RAPGEF6: variants seen among roughly 807,000 people sequenced by gnomAD.
RAPGEF6 encodes the protein Rap guanine nucleotide exchange factor 6.
RAPGEF6 carries 56 observed loss-of-function variants against 171.4 expected under a neutral mutation model. The ratio of observed to expected loss-of-function variants is 0.33; its 90% confidence interval spans 0.26 to 0.41. RAPGEF6 has a LOEUF of 0.41. Among genes scored for constraint, RAPGEF6 ranks in the 10% least tolerant of loss-of-function variants. RAPGEF6 has a pLI of 1.00. For missense variants in RAPGEF6, 1,674 were observed against 1,921.4 expected, an observed-to-expected ratio of 0.87 and a Z score of 2.41; for synonymous variants, 692 against 650.1, an observed-to-expected ratio of 1.06 and a Z score of -0.98.
intron 4 of RAPGEF6, among the ~76,000 whole-genome samples, chr5:131,580,532 C>A (rs1309449751): frequency 6.6e-6 from 1 of 152,200 alleles, no homozygotes; most frequent in Non-Finnish European, 1.5e-5. Flanking sequence ...AGAGCAGATG[C>A]CGAGGAGGCG....
chr5:131,494,296 G>A (rs933151611), intron 13 of RAPGEF6, among the ~76,000 whole-genome samples: 34 of 152,340 alleles, frequency 2.2e-4, no homozygotes, highest in African/African-American at 8.2e-4. Context: ...GTTGCTTGAA[G>A]GAGGCAACCA....
In RAPGEF6 at chr5:131,433,654, G is replaced by T; in HGVS notation, c.3750C>A (p.Tyr1250Ter). Residue 1250 changes from tyrosine (Y) to a stop codon, truncating the protein, a stop_gained, in exon 25 of 28, where the codon TAC (tyrosine) becomes TAA (stop). Coordinates refer to ENST00000509018, the MANE Select transcript of RAPGEF6 (RefSeq NM_016340.6). LOFTEE classifies it high-confidence loss of function. ...ASPQGSPHKGYTLIPSAKSDN... is the reference protein window; with the variant it reads ...ASPQGSPHKG ...CAGATTTAGCTGATGGAATAAGTGTGTAACCTGAACAAGAAAAGAGCACTG... is the reference window on the plus strand; with the variant it reads ...CAGATTTAGCTGATGGAATAAGTGTTTAACCTGAACAAGAAAAGAGCACTG... 1 of 1,599,948 alleles carries T rather than the reference G, an allele frequency of 6.3e-7. No individual in the cohort carries two copies. Among genetic ancestry groups the T allele is most frequent in the Non-Finnish European group, 8.6e-7 (1 of 1,167,572 alleles).
chr5:131,588,709 C>A (rs1763409578), intron 4 of RAPGEF6, among the ~76,000 whole-genome samples: 1 of 151,942 alleles, frequency 6.6e-6, no homozygotes, highest in African/African-American at 2.4e-5. Context: ...AGCCACCGCA[C>A]TCCAGCCTTG....
Position 131,464,136 on chromosome 5 carries a change from G to A in RAPGEF6, c.2385C>T (p.Leu795=). The stretch of plus-strand genomic sequence containing the variant: ...CCTCAGGAGTAACAGAAACTTCACA[G>A]AGAGAATATGTGTCGGATGCACCGG... ...GLTGASDTYS[L]CEVSVTPEGV... is the part of the protein sequence containing the mutation. Residue 795 remains leucine (L), a synonymous_variant, in exon 18 of 28, where the codon CTC becomes CTT. Transcript: ENST00000509018. 2 of 1,613,962 alleles carry A rather than the reference G, an allele frequency of 1.2e-6. No individual in the cohort carries two copies. Among genetic ancestry groups the A allele is most frequent in the South Asian group, 1.1e-5 (1 of 91,064 alleles).
At chr5:131,433,814 T>C (rs147864633) in intron 24 of RAPGEF6, among the ~76,000 whole-genome samples, 156 bp from the exon 25 acceptor site, 358 of 151,854 alleles carry the variant, frequency 2.4e-3, no homozygotes, top group African/African-American at 7.9e-3. Context: ...ATGGTGCCAA[T>C]TTTCTCCACA....
intron 22 of RAPGEF6, among the ~76,000 whole-genome samples, chr5:131,443,410 C>T (rs1323561076): frequency 6.6e-6 from 1 of 152,184 alleles, no homozygotes; most frequent in African/African-American, 2.4e-5. Context: ...TTAATTAGCT[C>T]CATCATCACT....
chr5:131,556,424 G>A (rs547390071), intron 5 of RAPGEF6, among the ~76,000 whole-genome samples: 1 of 151,872 alleles, frequency 6.6e-6, no homozygotes, highest in Non-Finnish European at 1.5e-5. Flanking sequence ...ATAATAAGAA[G>A]AAGAAAAGAC....
At chr5:131,452,957 C>T in intron 21 of RAPGEF6, 97 bp downstream of exon 21, 2 of 1,442,382 alleles carry the variant, frequency 1.4e-6, no homozygotes, top group Admixed American at 4.3e-5. Flanking sequence ...GTACAGCACA[C>T]ATGGTAGAAT....
At chr5:131,484,844 T>C (rs189397321) in intron 15 of RAPGEF6, among the ~76,000 whole-genome samples, 32 of 152,354 alleles carry the variant, frequency 2.1e-4, no homozygotes, top group Non-Finnish European at 4.0e-4. Flanking sequence ...GGTTCCATTG[T>C]ATATCTATTT....
intron 3 of RAPGEF6, among the ~76,000 whole-genome samples, chr5:131,596,114 A>G (rs1333619879): frequency 1.3e-5 from 2 of 151,042 alleles, no homozygotes; most frequent in African/African-American, 4.9e-5. Context: ...AGGTCGCACC[A>G]CTGTGCTCCA....
intron 1 of RAPGEF6, among the ~76,000 whole-genome samples, chr5:131,616,841 A>G (rs1765295287): frequency 6.6e-6 from 1 of 151,948 alleles, no homozygotes; most frequent in Non-Finnish European, 1.5e-5. Context: ...AACTAAGCTC[A>G]AAGGATCCTC....
chr5:131,507,686 G>A (rs1246224281), intron 9 of RAPGEF6, among the ~76,000 whole-genome samples: 1 of 151,540 alleles, frequency 6.6e-6, no homozygotes, highest in Non-Finnish European at 1.5e-5. Flanking sequence ...ATAGAAATAA[G>A]GAATAAGAAA....
chr5:131,516,170 C>CTCT (rs1580951889), intron 7 of RAPGEF6, among the ~76,000 whole-genome samples: 2 of 146,916 alleles, frequency 1.4e-5, no homozygotes, highest in East Asian at 4.0e-4. Context: ...CTCACTGCAC[C>CTCT]TCTGCCTCCT....
At chr5:131,439,792 A>G in intron 23 of RAPGEF6, 77 bp from the exon 24 acceptor site, 1 of 1,547,992 alleles carries the variant, frequency 6.5e-7, no homozygotes, top group South Asian at 1.2e-5. Flanking sequence ...TCACTACATA[A>G]CTAACACTAT....
chr5:131,443,326 C>T (rs1054068637), intron 22 of RAPGEF6, among the ~76,000 whole-genome samples: 3 of 152,124 alleles, frequency 2.0e-5, no homozygotes, highest in Non-Finnish European at 4.4e-5. Flanking sequence ...GATCCACATG[C>T]CCCAGCTACC....
chr5:131,528,336 TA>T (rs1759121345), intron 6 of RAPGEF6, among the ~76,000 whole-genome samples: 3 of 24,466 alleles, frequency 1.2e-4, no homozygotes, highest in Non-Finnish European at 1.8e-4. Context: ...TATATATATA[TA>T]TACACACACA....
intron 6 of RAPGEF6, among the ~76,000 whole-genome samples, chr5:131,547,609 A>G (rs921173590): frequency 6.6e-6 from 1 of 151,022 alleles, no homozygotes; most frequent in African/African-American, 2.4e-5. Flanking sequence ...TCCTGGGTTC[A>G]AGCAATTCTC....
Position 131,455,846 on chromosome 5 carries a change from G to C in RAPGEF6, c.3031C>G (p.Pro1011Ala). ...SSQSMQPPII[P>A]LFPVVKKDMT... The stretch of plus-strand genomic sequence containing the variant: ...TCTTTCTTGACAACAGGGAAGAGTG[G>C]AATAATTGGAGGCTGCATACTTTGA... The change falls in exon 20 of 28, where the codon CCA (proline) becomes GCA (alanine). Residue 1011 changes from proline to alanine, a missense_variant. Pro to Ala is a conservative substitution (Grantham distance 27). This residue lies in a region of RAPGEF6 where 1,116 missense variants were observed against 1,321.5 expected (regional missense o/e 0.84). Coordinates refer to ENST00000509018, the MANE Select transcript of RAPGEF6 (RefSeq NM_016340.6). 6.2e-7 allele frequency: 1 copy of C among 1,613,674 alleles called. No individual in the cohort carries two copies. Among genetic ancestry groups the C allele is most frequent in the Non-Finnish European group, 8.5e-7 (1 of 1,179,714 alleles).
chr5:131,516,359 G>A (rs1178468627), intron 7 of RAPGEF6, among the ~76,000 whole-genome samples: 1 of 152,050 alleles, frequency 6.6e-6, no homozygotes, highest in Non-Finnish European at 1.5e-5. Context: ...ATTCTTAACA[G>A]AAATATTAAA....
Sources: allele counts gnomAD v4.1 joint callset (sites outside exome capture counted in the v4.1 genomes callset), GRCh38; gene constraint gnomAD v4.1.1; regional missense constraint gnomAD v4.1.1; transcripts MANE v1.5; gene names NCBI Gene and HGNC (gene_info 2026-07-23, HGNC 2026-07-21).